Variants in PTPRR observed in about 807,000 individuals in gnomAD.
PTPRR encodes the protein protein tyrosine phosphatase receptor type R.
Under a neutral mutation model 77.2 loss-of-function variants are expected in PTPRR, and 38 were observed. That is an observed-to-expected ratio of 0.49 (90% CI 0.38 to 0.65). PTPRR has a LOEUF of 0.65. Among genes scored for constraint, PTPRR ranks in the 30% least tolerant of loss-of-function variants. PTPRR has a pLI of 0.00. For missense variants in PTPRR, 744 were observed against 799.2 expected, an observed-to-expected ratio of 0.93 and a Z score of 0.83; for synonymous variants, 299 against 283.1, an observed-to-expected ratio of 1.06 and a Z score of -0.57.
intron 6 of PTPRR, among the ~76,000 whole-genome samples, chr12:70,720,309 T>G (rs1889199639): frequency 6.6e-6 from 1 of 152,144 alleles, no homozygotes; most frequent in Admixed American, 6.5e-5. Context: ...TCCGTTTCCT[T>G]ATCATTAAAT....
At position 70,777,103 on chromosome 12, in the gene PTPRR, A is replaced by C. The variant is rs1891104799; in HGVS notation, c.358-12325T>G. Among the ~76,000 whole-genome samples the C allele has an allele frequency of 2.6e-5, 4 of 152,062 alleles. No individual in the cohort carries two copies. In the South Asian group the frequency reaches 8.3e-4, roughly 31 times the overall value. ...TTAAATACAAATAGGATTGAACTAT[A>C]CATTTTGTTCCACAACTTGCTTTTT... On this transcript the variant is annotated intron_variant, in intron 2 of 13. Coordinates refer to ENST00000283228, the MANE Select transcript of PTPRR (RefSeq NM_002849.4).
intron 10 of PTPRR, among the ~76,000 whole-genome samples, chr12:70,665,157 C>T (rs1462784939): frequency 6.6e-6 from 1 of 152,064 alleles, no homozygotes; most frequent in Non-Finnish European, 1.5e-5. Flanking sequence ...TATTCTTTTG[C>T]TAGCTAGGCT....
intron 1 of PTPRR, among the ~76,000 whole-genome samples, chr12:70,901,865 A>G (rs1247336497): frequency 1.3e-5 from 2 of 151,726 alleles, no homozygotes; most frequent in African/African-American, 2.4e-5. Context: ...TTCACAATCT[A>G]TTCTATTTTT....
intron 13 of PTPRR, among the ~76,000 whole-genome samples, chr12:70,642,624 T>C (rs1388130062): frequency 6.6e-6 from 1 of 152,158 alleles, no homozygotes; most frequent in Admixed American, 6.5e-5. Flanking sequence ...TGGCATGGTC[T>C]TCTTCTACTT....
chr12:70,770,340 G>A (rs1890941614), intron 2 of PTPRR, among the ~76,000 whole-genome samples: 1 of 152,050 alleles, frequency 6.6e-6, no homozygotes, highest in Non-Finnish European at 1.5e-5. Flanking sequence ...CCATCAAAAA[G>A]TGGGCAAAGG....
intron 2 of PTPRR, among the ~76,000 whole-genome samples, chr12:70,869,713 G>C (rs961319461): frequency 6.6e-6 from 1 of 152,052 alleles, no homozygotes; most frequent in African/African-American, 2.4e-5. Flanking sequence ...AGGTCAGATG[G>C]GGCATTGCTA....
intron 2 of PTPRR, among the ~76,000 whole-genome samples, chr12:70,784,784 G>T (rs2137002642): frequency 6.6e-6 from 1 of 152,348 alleles, no homozygotes; most frequent in African/African-American, 2.4e-5. Context: ...AGTACAAGGG[G>T]AAGTGGAGTA....
At chr12:70,825,023 G>A (rs928284023) in intron 2 of PTPRR, among the ~76,000 whole-genome samples, 1 of 152,138 alleles carries the variant, frequency 6.6e-6, no homozygotes, top group African/African-American at 2.4e-5. Context: ...GTTGGCTCAC[G>A]CCTGTAATCC....
At position 70,788,925 on chromosome 12, in the gene PTPRR, T is replaced by G. The variant is rs1891376610; in HGVS notation, c.358-24147A>C. The G allele has an allele frequency of 4.1e-6, 6 of 1,453,534 alleles. No individual in the cohort carries two copies. In the Admixed American group the frequency reaches 1.3e-4, roughly 32 times the overall value. The allele number at this position is 1,453,534 out of a possible 1,614,324, so 90.0% of individuals were successfully genotyped here. A position where few individuals can be genotyped will look rare whatever the true frequency, so the allele number is the denominator to read the frequency against. On this transcript the variant is annotated intron_variant, in intron 2 of 13. Coordinates refer to ENST00000283228, the MANE Select transcript of PTPRR (RefSeq NM_002849.4). ...GGACTAATCGTAAAGCTTTCTAAGC[T>G]TGTGTGCTGAGATGAAGCCTCATTT...
chr12:70,841,522 A>G (rs1429564898), intron 2 of PTPRR, among the ~76,000 whole-genome samples: 1 of 152,134 alleles, frequency 6.6e-6, no homozygotes, highest in African/African-American at 2.4e-5. Context: ...TGAGTTCCAG[A>G]GTCCATAAAA....
intron 2 of PTPRR, among the ~76,000 whole-genome samples, chr12:70,836,718 A>T (rs1409597561): frequency 6.7e-6 from 1 of 149,396 alleles, no homozygotes; most frequent in African/African-American, 2.5e-5. Flanking sequence ...TCCCACTCCC[A>T]CTCTTTGCTT....
At chr12:70,884,849 G>C (rs938636431) in intron 2 of PTPRR, among the ~76,000 whole-genome samples, 3 of 115,556 alleles carry the variant, frequency 2.6e-5, no homozygotes, top group Non-Finnish European at 5.0e-5. Context: ...TCCAGTCTGG[G>C]CAACAGAGCA....
intron 2 of PTPRR, among the ~76,000 whole-genome samples, chr12:70,778,018 A>G (rs1891126480): frequency 6.6e-6 from 1 of 152,184 alleles, no homozygotes; most frequent in African/African-American, 2.4e-5. Flanking sequence ...GGATGTCACC[A>G]TTCTTGAATT....
chr12:70,913,476 G>T (rs1198451838), intron 1 of PTPRR, among the ~76,000 whole-genome samples: 1 of 152,020 alleles, frequency 6.6e-6, no homozygotes, highest in African/African-American at 2.4e-5. Flanking sequence ...TAGGAGTTCC[G>T]GGTCCATTCT....
intron 10 of PTPRR, among the ~76,000 whole-genome samples, chr12:70,669,166 C>A (rs985715384): frequency 2.6e-5 from 4 of 152,034 alleles, no homozygotes; most frequent in African/African-American, 9.7e-5. Flanking sequence ...AATGCTGTAC[C>A]TTCTCATGAC....
intron 12 of PTPRR, among the ~76,000 whole-genome samples, chr12:70,658,883 GTTTTTTTTTTT>G (rs746595856): frequency 2.4e-4 from 9 of 36,936 alleles, no homozygotes; most frequent in South Asian, 1.2e-3. Flanking sequence ...TTTTGCTCTA[GTTTTTTTTTTT>G]TTTTTTTTTT....
At chr12:70,815,384 T>C (rs775447087) in intron 2 of PTPRR, among the ~76,000 whole-genome samples, 1 of 152,154 alleles carries the variant, frequency 6.6e-6, no homozygotes, top group Non-Finnish European at 1.5e-5. Context: ...AGTTCTTAAG[T>C]ATATTTTAAG....
rs201003875 is a variant in PTPRR at position 70,843,808 on chromosome 12, ATTTTTTTTT to A, written c.357+48862_357+48870del. ...ATTTGAGACATAAATGTTGCTGAAAATTTTTTTTTTTTTTTTTTTTTTTTGAGAGAGAGT... is the reference window on the plus strand; with the variant it reads ...ATTTGAGACATAAATGTTGCTGAAAATTTTTTTTTTTTTTTGAGAGAGAGT... On this transcript the variant is annotated intron_variant, in intron 2 of 13. Coordinates refer to ENST00000283228, the MANE Select transcript of PTPRR (RefSeq NM_002849.4). 2.4e-5 allele frequency among the ~76,000 whole-genome samples: 3 copies of A among 124,674 alleles called. No individual in the cohort carries two copies. The East Asian group carries it at 7.0e-4, about 29-fold the overall frequency. 81.8% of individuals were successfully genotyped at this position (124,674 alleles called of 152,430 possible).
At chr12:70,784,150 CTT>C (rs564049894) in intron 2 of PTPRR, among the ~76,000 whole-genome samples, 174 of 152,302 alleles carry the variant, frequency 1.1e-3, no homozygotes, top group African/African-American at 4.0e-3. Flanking sequence ...GCAGCCCTGA[CTT>C]GGGCAGCTGC....
Sources: gnomAD v4.1 joint callset for allele counts (sites outside exome capture counted in the v4.1 genomes callset) on GRCh38, gnomAD v4.1.1 for gene constraint, MANE v1.5 for transcripts, NCBI Gene and HGNC (gene_info 2026-07-23, HGNC 2026-07-21) for gene names.